The following ASAP1 variants were observed in gnomAD, a reference collection of about 807,000 sequenced individuals.
ASAP1 encodes ArfGAP with SH3 domain, ankyrin repeat and PH domain 1.
ASAP1 carries 43 observed loss-of-function variants against 145.2 expected under a neutral mutation model. The observed-to-expected ratio is 0.30, with a 90% CI of 0.23 to 0.38. The LOEUF (loss-of-function observed/expected upper bound fraction) is 0.38. ASAP1 is among the 10% of genes least tolerant of loss of function. ASAP1 has a pLI of 1.00. For synonymous variants in ASAP1, 546 were observed against 515.5 expected, an observed-to-expected ratio of 1.06 and a Z score of -0.80; for missense variants, 1,018 against 1,355.3, an observed-to-expected ratio of 0.75 and a Z score of 3.91.
At chr8:130,393,217 C>T (rs932873456) in intron 2 of ASAP1, among the ~76,000 whole-genome samples, 8 of 152,102 alleles carry the variant, frequency 5.3e-5, no homozygotes, top group Non-Finnish European at 8.8e-5. Flanking sequence ...TATCTTTGTG[C>T]AAGGGCTGTT....
chr8:130,133,664 A>AAAACAAAC (rs151021142), intron 15 of ASAP1, among the ~76,000 whole-genome samples: 5 of 148,266 alleles, frequency 3.4e-5, no homozygotes. Flanking sequence ...CTCCGTCTCA[A>AAAACAAAC]AAACAAACAA....
chr8:130,136,474 G>A (rs753523633), intron 14 of ASAP1, among the ~76,000 whole-genome samples: 18 of 151,786 alleles, frequency 1.2e-4, no homozygotes, highest in African/African-American at 1.7e-4. Flanking sequence ...GGGCAAATTC[G>A]TTGTACAGAT....
intron 2 of ASAP1, among the ~76,000 whole-genome samples, chr8:130,394,160 C>T (rs546683827): frequency 6.6e-6 from 1 of 152,140 alleles, no homozygotes; most frequent in Non-Finnish European, 1.5e-5. Flanking sequence ...AGAGAGATAA[C>T]CTTAAACTTT....
chr8:130,236,418 C>T (rs866893607), intron 4 of ASAP1, among the ~76,000 whole-genome samples: 12 of 151,870 alleles, frequency 7.9e-5, no homozygotes. Flanking sequence ...CATTTAGTTA[C>T]ACAGGTTATC....
At chr8:130,124,252 A>G in intron 17 of ASAP1, 148 bp from the exon 18 acceptor site, 1 of 636,770 alleles carries the variant, frequency 1.6e-6, no homozygotes, top group East Asian at 3.0e-5. Context: ...GTCTACAAAT[A>G]TTTACTGAGC....
At chr8:130,390,369 C>T (rs1312430845) in intron 2 of ASAP1, among the ~76,000 whole-genome samples, 1 of 152,198 alleles carries the variant, frequency 6.6e-6, no homozygotes, top group Non-Finnish European at 1.5e-5. Flanking sequence ...CCCTTCCAGC[C>T]TAAACAATCT....
Position 130,245,483 on chromosome 8 carries a change from T to C in ASAP1, c.187-8489A>G, listed in dbSNP as rs1008711438. Among the ~76,000 whole-genome samples the C allele has an allele frequency of 2.6e-5, 4 of 152,264 alleles. No individual in the cohort carries two copies. In the East Asian group the frequency reaches 7.7e-4, roughly 29 times the overall value. On this transcript the variant is annotated intron_variant, in intron 3 of 29. Transcript: ENST00000518721. The stretch of plus-strand genomic sequence containing the variant: ...ACAAGTTACTTCACAGTTCAGATCC[T>C]TGGCAAAAATTTAACATACCACCTT...
chr8:130,181,034 G>A (rs1814322116), intron 7 of ASAP1, among the ~76,000 whole-genome samples, 154 bp from the exon 8 acceptor site: 1 of 150,596 alleles, frequency 6.6e-6, no homozygotes, highest in South Asian at 2.1e-4. Flanking sequence ...GTGGGGGTCA[G>A]TGATAACGGG....
chr8:130,110,496 A>G (rs1051476385), intron 24 of ASAP1, among the ~76,000 whole-genome samples: 1 of 152,244 alleles, frequency 6.6e-6, no homozygotes, highest in Non-Finnish European at 1.5e-5. Context: ...GCCATTACCC[A>G]CAGGGAAGCA....
At chr8:130,276,219 A>C (rs1820872034) in intron 3 of ASAP1, among the ~76,000 whole-genome samples, 1 of 152,164 alleles carries the variant, frequency 6.6e-6, no homozygotes, top group Non-Finnish European at 1.5e-5. Flanking sequence ...TCATTTGTTT[A>C]AAAAAGAAGG....
At chr8:130,197,576 T>C (rs1025572018) in intron 5 of ASAP1, among the ~76,000 whole-genome samples, 2 of 152,220 alleles carry the variant, frequency 1.3e-5, no homozygotes, top group Non-Finnish European at 2.9e-5. Flanking sequence ...ACTAAATAAC[T>C]TGGCCAAACA....
At chr8:130,189,939 T>C (rs528146299) in intron 5 of ASAP1, among the ~76,000 whole-genome samples, 2 of 152,292 alleles carry the variant, frequency 1.3e-5, no homozygotes, top group African/African-American at 4.8e-5. Flanking sequence ...CTGTGGGCCA[T>C]TTGTAGGTCT....
rs371491649 is a variant in ASAP1 at position 130,430,493 on chromosome 8, G to T, written c.-28+12967C>A. 1.7e-4 allele frequency among the ~76,000 whole-genome samples: 26 copies of T among 152,328 alleles called. No individual in the cohort carries two copies. The East Asian group carries it at 4.8e-3, about 28-fold the overall frequency. On this transcript the variant is annotated intron_variant, in intron 1 of 29. Transcript: ENST00000518721. The stretch of plus-strand genomic sequence containing the variant: ...GAGAGCCAGGGCTGACCCTCGGTCT[G>T]AGCAGTTGAAACGTCCAGCTGCTTT...
chr8:130,282,037 C>G (rs1488800781), intron 3 of ASAP1, among the ~76,000 whole-genome samples: 1 of 150,790 alleles, frequency 6.6e-6, no homozygotes, highest in African/African-American at 2.4e-5. Context: ...CGATTACACT[C>G]CAGTCCAGGC....
rs1262772878 is a variant in ASAP1 at position 130,053,620 on chromosome 8, G to C, written c.*1111C>G. 6.6e-6 allele frequency: 1 copy of C among 152,228 alleles called. No individual in the cohort carries two copies. 9.4% of individuals were successfully genotyped at this position (152,228 alleles called of 1,614,324 possible). ...TTTCAGCACCTGGATTCTACATACA[G>C]TAGGGAAACTGTGTGAAGGGTTGAC... On this transcript the variant is annotated 3_prime_UTR_variant, in exon 30 of 30. Transcript: ENST00000518721.
intron 9 of ASAP1, among the ~76,000 whole-genome samples, chr8:130,173,885 C>G (rs747809401): frequency 6.7e-6 from 1 of 149,674 alleles, no homozygotes; most frequent in African/African-American, 2.5e-5. Flanking sequence ...CCAGCCTGGG[C>G]AACAAGGTAA....
intron 17 of ASAP1, among the ~76,000 whole-genome samples, chr8:130,125,009 C>T (rs893077112): frequency 6.6e-6 from 1 of 152,152 alleles, no homozygotes; most frequent in Non-Finnish European, 1.5e-5. Context: ...CAAGACAGAT[C>T]ACGATTGCTT....
intron 7 of ASAP1, among the ~76,000 whole-genome samples, chr8:130,182,841 A>C (rs1814455198): frequency 6.6e-6 from 1 of 150,858 alleles, no homozygotes; most frequent in Non-Finnish European, 1.5e-5. Context: ...CAAAAAAAAA[A>C]AAAAAAAAAC....
chr8:130,300,149 CACACAGAGAG>C (rs1228001408), intron 3 of ASAP1, among the ~76,000 whole-genome samples: 11 of 88,730 alleles, frequency 1.2e-4, no homozygotes, highest in South Asian at 3.9e-4. Flanking sequence ...CACACACACA[CACACAGAGAG>C]AGAGAGAGAG....
Sources: gnomAD v4.1 joint callset for allele counts (sites outside exome capture counted in the v4.1 genomes callset) on GRCh38, gnomAD v4.1.1 for gene constraint, MANE v1.5 for transcripts, NCBI Gene and HGNC (gene_info 2026-07-23, HGNC 2026-07-21) for gene names.